Variants in NDST4 observed in about 807,000 individuals in gnomAD.
NDST4 encodes N-heparan sulfate sulfotransferase 4.
Under a neutral mutation model 100.8 loss-of-function variants are expected in NDST4, and 63 were observed. The observed-to-expected ratio is 0.62, with a 90% CI of 0.51 to 0.77. The LOEUF (loss-of-function observed/expected upper bound fraction) is 0.77, where lower values mean the gene tolerates loss of function less well. Ranked by LOEUF, NDST4 falls within the 30% of genes least tolerant of loss-of-function variation. NDST4 has a pLI of 0.00. For missense variants in NDST4, 943 were observed against 1,018.4 expected (o/e 0.93, Z 1.01); for synonymous variants, 377 against 361.8 (o/e 1.04, Z -0.48).
intron 1 of NDST4, among the ~76,000 whole-genome samples, chr4:115,105,176 A>G (rs1729810363): frequency 1.3e-5 from 2 of 152,162 alleles, no homozygotes; most frequent in South Asian, 2.1e-4. Context: ...ATTTGTTTAC[A>G]TGAAGGCTTC....
chr4:114,867,665 C>CAAAAAAAAAA, intron 7 of NDST4, among the ~76,000 whole-genome samples: 1,199 of 79,558 alleles, frequency 0.015, no homozygotes, highest in Non-Finnish European at 0.018. Flanking sequence ...AAAAAAAAAG[C>CAAAAAAAAAA]AAAAAAAAAA....
rs1560856343 is a variant in NDST4, at chr4:115,008,296, GAC to G, written c.979-31024_979-31023del. On this transcript the variant is annotated intron_variant, in intron 2 of 13. Coordinates refer to ENST00000264363, the MANE Select transcript of NDST4 (RefSeq NM_022569.3). ...CTTTAGTTGATGCAGTTTCTTCCTA[GAC>G]TCGATGGTCTTTACAATTTGGCATG... Among the ~76,000 whole-genome samples, 4 of 129,026 alleles carry G rather than the reference GAC, an allele frequency of 3.1e-5. 1 individual carries two copies. Among genetic ancestry groups the G allele is most frequent in the Non-Finnish European group, 6.6e-5 (4 of 60,362 alleles). 84.6% of individuals were successfully genotyped at this position (129,026 alleles called of 152,430 possible). A position where few individuals can be genotyped will look rare whatever the true frequency, so the allele number is the denominator to read the frequency against.
chr4:114,893,293 G>T (rs192271788), intron 6 of NDST4, among the ~76,000 whole-genome samples: 103 of 152,120 alleles, frequency 6.8e-4, no homozygotes, highest in African/African-American at 2.4e-3. Context: ...TGGTATTTCT[G>T]GTTCTAGATC....
In NDST4 at chr4:114,861,907, A is replaced by G. The variant is rs183623261; in HGVS notation, c.1719+8861T>C. ...TTCTTCCCACTCTTGTCTCTTTCTG[A>G]GTTTCCTGTCATATTTTCTTAATTA... On this transcript the variant is annotated intron_variant, in intron 7 of 13. Transcript: ENST00000264363. Among the ~76,000 whole-genome samples, 15 of 152,130 alleles carry G rather than the reference A, an allele frequency of 9.9e-5. No homozygotes were observed. In the East Asian group the frequency reaches 2.9e-3, roughly 29 times the overall value.
chr4:115,076,938 G>C lies in NDST4; in HGVS notation c.99C>G (p.Leu33=), dbSNP rs759846702. The C allele has an allele frequency of 3.1e-6, 5 of 1,613,520 alleles. No individual in the cohort carries two copies. In the East Asian group the frequency reaches 6.7e-5, roughly 22 times the overall value. ...LVSIVISAYF[L]YSGYKQEMTL... Reference sequence around the variant, plus strand: ...TCATTTCCTGTTTGTAGCCAGAGTAGAGAAAATAGGCAGAAATGACAATGC... The same window carrying C: ...TCATTTCCTGTTTGTAGCCAGAGTACAGAAAATAGGCAGAAATGACAATGC... Residue 33 remains leucine (L), a synonymous_variant, in exon 2 of 14, where the codon CTC becomes CTG. Transcript: ENST00000264363.
intron 6 of NDST4, among the ~76,000 whole-genome samples, chr4:114,933,432 C>CTTTTTTTTTTTTTTTTTT (rs367931653): frequency 2.2e-5 from 2 of 89,278 alleles, no homozygotes; most frequent in East Asian, 4.4e-4. Flanking sequence ...TTTTCTTTTC[C>CTTTTTTTTTTTTTTTTTT]TTTTTTTTTT....
rs796203690 is a variant in NDST4 at position 115,051,298 on chromosome 4, GT to G, written c.978+24760del. On this transcript the variant is annotated intron_variant, in intron 2 of 13. Transcript: ENST00000264363. ...TGTAAATTTTACATTTTTTTATTTT[GT>G]TTTTTTTTATAGCGGTAAAATATAC... Among the ~76,000 whole-genome samples, 471 of 149,572 alleles carry G rather than the reference GT, an allele frequency of 3.1e-3. 3 individuals carry two copies. Among genetic ancestry groups the G allele is most frequent in the African/African-American group, 0.01 (423 of 40,730 alleles).
chr4:115,045,337 A>G (rs1728442285), intron 2 of NDST4, among the ~76,000 whole-genome samples: 1 of 152,206 alleles, frequency 6.6e-6, no homozygotes, highest in Admixed American at 6.5e-5. Context: ...AAAGAAAAAC[A>G]AAACCAGACA....
At chr4:114,949,680 A>C (rs1468561257) in intron 4 of NDST4, among the ~76,000 whole-genome samples, 2 of 152,044 alleles carry the variant, frequency 1.3e-5, no homozygotes, top group Non-Finnish European at 2.9e-5. Context: ...CCTTTTATGA[A>C]GCTTTCCTGG....
intron 2 of NDST4, among the ~76,000 whole-genome samples, chr4:114,997,372 C>T (rs577105367): frequency 6.6e-6 from 1 of 152,042 alleles, no homozygotes; most frequent in East Asian, 1.9e-4. Flanking sequence ...AGTTATGTTA[C>T]CCAAGTTGCT....
intron 1 of NDST4, among the ~76,000 whole-genome samples, chr4:115,093,400 G>A (rs909225358): frequency 6.6e-6 from 1 of 151,882 alleles, no homozygotes; most frequent in African/African-American, 2.4e-5. Context: ...GCGTGAATCC[G>A]GGAGGCAGAG....
At chr4:114,828,430 A>G (rs1375428018) in intron 13 of NDST4, among the ~76,000 whole-genome samples, 3 of 152,200 alleles carry the variant, frequency 2.0e-5, no homozygotes, top group Non-Finnish European at 4.4e-5. Flanking sequence ...ACATTTACTC[A>G]GAGCTGAAAT....
At chr4:114,939,925 AT>A (rs927296152) in intron 4 of NDST4, among the ~76,000 whole-genome samples, 4 of 152,178 alleles carry the variant, frequency 2.6e-5, no homozygotes, top group African/African-American at 9.6e-5. Context: ...CTCTTTTGCT[AT>A]TATCATGGCG....
chr4:114,848,741 T>A (rs1438102078), intron 8 of NDST4, among the ~76,000 whole-genome samples: 2 of 152,204 alleles, frequency 1.3e-5, no homozygotes, highest in African/African-American at 4.8e-5. Context: ...AGCATTGAAA[T>A]TCAGATGAAT....
chr4:114,858,116 T>G (rs1377872457), intron 7 of NDST4, among the ~76,000 whole-genome samples: 1 of 152,214 alleles, frequency 6.6e-6, no homozygotes, highest in Non-Finnish European at 1.5e-5. Context: ...TTCCCCTATG[T>G]CTTCTGTAGT....
At chr4:115,025,514 G>C (rs565998089) in intron 2 of NDST4, among the ~76,000 whole-genome samples, 53 of 152,230 alleles carry the variant, frequency 3.5e-4, no homozygotes, top group African/African-American at 1.3e-3. Context: ...GAGAGTTCCT[G>C]ATAGAATTTA....
At chr4:115,003,832 C>T (rs752761055) in intron 2 of NDST4, among the ~76,000 whole-genome samples, 1 of 151,732 alleles carries the variant, frequency 6.6e-6, no homozygotes, top group Non-Finnish European at 1.5e-5. Context: ...CACACCATTG[C>T]ATTCCAGCCC....
intron 9 of NDST4, among the ~76,000 whole-genome samples, chr4:114,847,416 A>AAAAAAAAAAAAAAAAAAAAAAAAT (rs1391736224): frequency 9.7e-6 from 1 of 103,598 alleles, no homozygotes; most frequent in East Asian, 2.7e-4. Flanking sequence ...AAAAAAAAAA[A>AAAAAAAAAAAAAAAAAAAAAAAAT]GTGTCTTTCA....
At chr4:114,881,607 AT>A (rs1397011707) in intron 6 of NDST4, among the ~76,000 whole-genome samples, 3 of 152,092 alleles carry the variant, frequency 2.0e-5, no homozygotes, top group Non-Finnish European at 4.4e-5. Flanking sequence ...TCTAATCTGC[AT>A]GCTCTTCTCC....
Sources: allele counts gnomAD v4.1 joint callset (sites outside exome capture counted in the v4.1 genomes callset), GRCh38; gene constraint gnomAD v4.1.1; transcripts MANE v1.5; gene names NCBI Gene and HGNC (gene_info 2026-07-23, HGNC 2026-07-21).